COX7B2: variants seen among roughly 807,000 people sequenced by gnomAD.
The protein encoded by COX7B2 is cytochrome c oxidase subunit 7B2.
For synonymous variants in COX7B2, 37 were observed against 32.1 expected, an observed-to-expected ratio of 1.15 and a Z score of -0.51; for missense variants, 109 against 95.9, an observed-to-expected ratio of 1.14 and a Z score of -0.57.
chr4:46,769,249 G>A (rs1716730967), intron 2 of COX7B2, among the ~76,000 whole-genome samples: 1 of 152,016 alleles, frequency 6.6e-6, no homozygotes, highest in Admixed American at 6.6e-5. Context: ...TGATACCAAA[G>A]CCAGACAAGG....
intron 2 of COX7B2, among the ~76,000 whole-genome samples, chr4:46,798,917 C>T (rs939766572): frequency 6.6e-6 from 1 of 152,108 alleles, no homozygotes. Context: ...GAAATTACAT[C>T]GTCAGATAAC....
At chr4:46,752,408 A>C (rs1406666757) in intron 2 of COX7B2, among the ~76,000 whole-genome samples, 1 of 152,144 alleles carries the variant, frequency 6.6e-6, no homozygotes, top group Admixed American at 6.6e-5. Flanking sequence ...AATACTCTTT[A>C]TTTCTTTCTC....
intron 1 of COX7B2, among the ~76,000 whole-genome samples, chr4:46,883,907 T>C (rs531419684): frequency 6.6e-6 from 1 of 152,186 alleles, no homozygotes; most frequent in Non-Finnish European, 1.5e-5. Flanking sequence ...GGAAACATGA[T>C]GTTACAACTA....
At chr4:46,740,016 A>T (rs1310475536) in intron 2 of COX7B2, among the ~76,000 whole-genome samples, 1 of 151,916 alleles carries the variant, frequency 6.6e-6, no homozygotes, top group Non-Finnish European at 1.5e-5. Context: ...TTCATTTTTA[A>T]TTTTTTATTT....
At chr4:46,752,848 G>C (rs556076762) in intron 2 of COX7B2, among the ~76,000 whole-genome samples, 1 of 152,016 alleles carries the variant, frequency 6.6e-6, no homozygotes, top group Non-Finnish European at 1.5e-5. Flanking sequence ...TTTTTGCATC[G>C]ATGTTCATCA....
intron 2 of COX7B2, among the ~76,000 whole-genome samples, chr4:46,825,264 A>G (rs1268751819): frequency 6.6e-6 from 1 of 152,076 alleles, no homozygotes; most frequent in African/African-American, 2.4e-5. Flanking sequence ...CACATCAGAA[A>G]GGCAATCCCA....
At chr4:46,828,489 C>T (rs577916306) in intron 2 of COX7B2, among the ~76,000 whole-genome samples, 2 of 152,150 alleles carry the variant, frequency 1.3e-5, no homozygotes, top group Non-Finnish European at 2.9e-5. Context: ...GTCAGCCATT[C>T]TGTAAAGCAT....
chr4:46,889,589 A>T (rs1341692831), intron 1 of COX7B2, among the ~76,000 whole-genome samples: 1 of 152,248 alleles, frequency 6.6e-6, no homozygotes. Flanking sequence ...TGAGAAAGGT[A>T]TGAAAAGAGG....
intron 1 of COX7B2, among the ~76,000 whole-genome samples, chr4:46,857,789 G>A (rs1560422940): frequency 6.6e-6 from 1 of 152,188 alleles, no homozygotes; most frequent in Non-Finnish European, 1.5e-5. Flanking sequence ...CAGTGAACCA[G>A]TCAATGAATG....
chr4:46,762,483 ATATT>A (rs1560362434), intron 2 of COX7B2, among the ~76,000 whole-genome samples: 71 of 140,292 alleles, frequency 5.1e-4, no homozygotes, highest in Non-Finnish European at 1.0e-3. Flanking sequence ...TATATACTAT[ATATT>A]GTAAATATAT....
chr4:46,799,486 G>A (rs1718537468), intron 2 of COX7B2, among the ~76,000 whole-genome samples: 1 of 152,136 alleles, frequency 6.6e-6, no homozygotes, highest in African/African-American at 2.4e-5. Flanking sequence ...GATGCTGGCT[G>A]TGAGTTTGTC....
At chr4:46,905,810 A>ATATTTTTTT (rs1720343183) in intron 1 of COX7B2, among the ~76,000 whole-genome samples, 2 of 60,442 alleles carry the variant, frequency 3.3e-5, no homozygotes, top group Admixed American at 1.6e-4. Context: ...ATAAGCATAT[A>ATATTTTTTT]TTTCTTTTTT....
At chr4:46,820,816 C>T (rs1255585280) in intron 2 of COX7B2, among the ~76,000 whole-genome samples, 1 of 140,208 alleles carries the variant, frequency 7.1e-6, no homozygotes, top group Non-Finnish European at 1.5e-5. Context: ...AGCAAAACTC[C>T]ATCTCAAAAA....
intron 1 of COX7B2, among the ~76,000 whole-genome samples, chr4:46,865,709 T>A (rs1314390980): frequency 6.6e-6 from 1 of 152,148 alleles, no homozygotes; most frequent in Non-Finnish European, 1.5e-5. Context: ...CCTAATTCAG[T>A]GTGGGTGGGA....
chr4:46,883,291 G>A (rs1261114954), intron 1 of COX7B2, among the ~76,000 whole-genome samples: 1 of 152,064 alleles, frequency 6.6e-6, no homozygotes, highest in Non-Finnish European at 1.5e-5. Context: ...ATACTTTGTA[G>A]ATCTGGTATT....
intron 1 of COX7B2, among the ~76,000 whole-genome samples, chr4:46,859,288 T>C (rs546181541): frequency 1.6e-4 from 24 of 152,244 alleles, no homozygotes; most frequent in Middle Eastern, 3.4e-3. Flanking sequence ...TTCCAAACAT[T>C]TCTCACAATG....
intron 1 of COX7B2, among the ~76,000 whole-genome samples, chr4:46,871,640 A>G (rs922524752): frequency 4.9e-5 from 6 of 122,040 alleles, no homozygotes; most frequent in Non-Finnish European, 9.4e-5. Flanking sequence ...TATTTACAAG[A>G]AAAAAAAAAA....
chr4:46,828,567 A>G (rs919896136), intron 2 of COX7B2, among the ~76,000 whole-genome samples: 1 of 152,198 alleles, frequency 6.6e-6, no homozygotes, highest in African/African-American at 2.4e-5. Flanking sequence ...ACTAGGTGCC[A>G]ATCATAAGAG....
chr4:46,904,690 A>T (rs1180302229), intron 1 of COX7B2, among the ~76,000 whole-genome samples: 1 of 152,224 alleles, frequency 6.6e-6, no homozygotes, highest in African/African-American at 2.4e-5. Context: ...TTAGGAATTT[A>T]TACATGCAAG....
Sources: allele counts gnomAD v4.1 joint callset (sites outside exome capture counted in the v4.1 genomes callset), GRCh38; gene constraint gnomAD v4.1.1; transcripts MANE v1.5; gene names NCBI Gene and HGNC (gene_info 2026-07-23, HGNC 2026-07-21).